RPS6KA2: variants seen among roughly 807,000 people sequenced by gnomAD.
The protein encoded by RPS6KA2 is ribosomal protein S6 kinase alpha-2.
RPS6KA2 carries 42 observed loss-of-function variants against 91.8 expected under a neutral mutation model. The ratio of observed to expected loss-of-function variants is 0.46; its 90% CI spans 0.36 to 0.59. The LOEUF (loss-of-function observed/expected upper bound fraction) is 0.59, where lower values mean the gene tolerates loss of function less well. RPS6KA2 is among the 20% of genes least tolerant of loss of function. The probability of loss-of-function intolerance (pLI) is 0.00; values close to 1 mark genes in which losing one functional copy is unlikely to be tolerated. For missense variants in RPS6KA2, 798 were observed against 978.5 expected (o/e 0.82, Z 2.46); for synonymous variants, 414 against 393.6 (o/e 1.05, Z -0.61).
chr6:166,449,861 G>T (rs1402916538), intron 13 of RPS6KA2, among the ~76,000 whole-genome samples: 60 of 73,902 alleles, frequency 8.1e-4, no homozygotes, highest in Middle Eastern at 0.01. Context: ...GGACCACCAT[G>T]GGAACCACCA....
At chr6:166,683,452 A>C (rs1359297446) in intron 2 of RPS6KA2, among the ~76,000 whole-genome samples, 1 of 152,234 alleles carries the variant, frequency 6.6e-6, no homozygotes, top group African/African-American at 2.4e-5. Flanking sequence ...AGAGACCTAG[A>C]AATATGTTTT....
chr6:166,561,403 C>T (rs1053815507), intron 1 of RPS6KA2, among the ~76,000 whole-genome samples: 10 of 151,974 alleles, frequency 6.6e-5, no homozygotes, highest in African/African-American at 2.2e-4. Flanking sequence ...CAGGCCTGCT[C>T]GTTCCCCGCC....
chr6:166,687,355 C>G (rs1306076213), intron 2 of RPS6KA2, among the ~76,000 whole-genome samples: 1 of 152,188 alleles, frequency 6.6e-6, no homozygotes, highest in Admixed American at 6.5e-5. Flanking sequence ...CTTGATAGCA[C>G]AAGGCACCAT....
intron 1 of RPS6KA2, among the ~76,000 whole-genome samples, chr6:166,581,175 G>A (rs1417168735): frequency 1.3e-5 from 2 of 152,102 alleles, no homozygotes; most frequent in Non-Finnish European, 2.9e-5. Context: ...ATAGGCTTGA[G>A]CCACTGTGTC....
chr6:166,512,238 G>A (rs1251569554), intron 3 of RPS6KA2, among the ~76,000 whole-genome samples: 1 of 152,150 alleles, frequency 6.6e-6, no homozygotes, highest in Non-Finnish European at 1.5e-5. Flanking sequence ...ACTATTGTAG[G>A]ATCCCACTTA....
chr6:166,831,360 G>T (rs1239025578), intron 2 of RPS6KA2, among the ~76,000 whole-genome samples: 1 of 152,092 alleles, frequency 6.6e-6, no homozygotes, highest in African/African-American at 2.4e-5. Flanking sequence ...TGGGTCCGTG[G>T]CCATGATGAC....
chr6:166,759,866 T>C (rs1435313509), intron 2 of RPS6KA2, among the ~76,000 whole-genome samples: 3 of 152,232 alleles, frequency 2.0e-5, no homozygotes, highest in African/African-American at 7.2e-5. Context: ...GTTCCCACCA[T>C]TGTACAGAGA....
chr6:166,685,894 G>C (rs908458011), intron 2 of RPS6KA2, among the ~76,000 whole-genome samples: 5 of 152,126 alleles, frequency 3.3e-5, no homozygotes, highest in Non-Finnish European at 7.3e-5. Context: ...CTACCATCGA[G>C]TGATCCCGCA....
intron 2 of RPS6KA2, among the ~76,000 whole-genome samples, chr6:166,637,247 C>T (rs1787275570): frequency 1.3e-5 from 2 of 152,208 alleles, no homozygotes; most frequent in African/African-American, 4.8e-5. Context: ...GGCTTGTTGG[C>T]CAAGGACACA....
chr6:166,808,363 G>A (rs1428853373), intron 2 of RPS6KA2, among the ~76,000 whole-genome samples: 3 of 152,174 alleles, frequency 2.0e-5, no homozygotes, highest in African/African-American at 7.2e-5. Context: ...TCTCCAGCAT[G>A]TCCAACTCTA....
intron 1 of RPS6KA2, among the ~76,000 whole-genome samples, chr6:166,620,661 G>C (rs1786590950): frequency 1.3e-5 from 2 of 152,228 alleles, no homozygotes; most frequent in South Asian, 4.1e-4. Context: ...ATAATGTAGT[G>C]CAAGAACCTT....
intron 2 of RPS6KA2, among the ~76,000 whole-genome samples, chr6:166,828,142 T>A (rs760451913): frequency 1.2e-4 from 17 of 147,388 alleles, no homozygotes; most frequent in Non-Finnish European, 2.4e-4. Flanking sequence ...AGGGTCAGCA[T>A]GGGGCATGGG....
chr6:166,702,961 A>C (rs1789570480), intron 2 of RPS6KA2: 1 of 572,578 alleles, frequency 1.7e-6, no homozygotes, highest in Non-Finnish European at 3.1e-6. Flanking sequence ...ATACACAAAC[A>C]CAGTAAGAAC....
At position 166,655,838 on chromosome 6, in the gene RPS6KA2, C is replaced by T. The variant is rs78243681; in HGVS notation, c.124-117054G>A. ...ATCAGGTTGAAGATGTGCAGGCCCA[C>T]GGCTCAGCGACTCCACCTCAGGACT... On this transcript the variant is annotated intron_variant, in intron 2 of 21. Transcript: ENST00000503859. 1.3e-3 allele frequency among the ~76,000 whole-genome samples: 202 copies of T among 152,312 alleles called. 1 individual carries two copies. In the East Asian group the frequency reaches 0.032, roughly 24 times the overall value.
At chr6:166,486,404 C>A (rs1172934851) in intron 10 of RPS6KA2, among the ~76,000 whole-genome samples, 3 of 152,204 alleles carry the variant, frequency 2.0e-5, no homozygotes, top group Non-Finnish European at 4.4e-5. Context: ...CTCATTGTCG[C>A]CCCCAGCTGG....
At chr6:166,804,317 A>G (rs1411595636) in intron 2 of RPS6KA2, among the ~76,000 whole-genome samples, 1 of 152,118 alleles carries the variant, frequency 6.6e-6, no homozygotes, top group Non-Finnish European at 1.5e-5. Flanking sequence ...TGTATATGTT[A>G]GGTATCATAT....
At chr6:166,521,123 G>A (rs540650827) in intron 3 of RPS6KA2, among the ~76,000 whole-genome samples, 49 of 152,392 alleles carry the variant, frequency 3.2e-4, no homozygotes, top group African/African-American at 1.1e-3. Context: ...AGGTGGCAAA[G>A]GCTGGCAGTG....
intron 5 of RPS6KA2, among the ~76,000 whole-genome samples, chr6:166,506,313 T>G (rs1709925827): frequency 6.6e-6 from 1 of 152,180 alleles, no homozygotes; most frequent in South Asian, 2.1e-4. Context: ...CGTGGGGAGC[T>G]GCAGGACTTT....
At chr6:166,497,168 G>T (rs78545964) in intron 8 of RPS6KA2, among the ~76,000 whole-genome samples, 1 of 152,236 alleles carries the variant, frequency 6.6e-6, no homozygotes, top group Admixed American at 6.5e-5. Flanking sequence ...TGTGGTCTCC[G>T]CATGGAGAGG....
Sources: gnomAD v4.1 joint callset for allele counts (sites outside exome capture counted in the v4.1 genomes callset) on GRCh38, gnomAD v4.1.1 for gene constraint, MANE v1.5 for transcripts, NCBI Gene and HGNC (gene_info 2026-07-23, HGNC 2026-07-21) for gene names.